DLG2: variants seen among roughly 807,000 people sequenced by gnomAD.
DLG2 encodes the protein disks large homolog 2.
In DLG2, 45 loss-of-function variants were observed where a neutral mutation model predicts 132.5. The ratio of observed to expected loss-of-function variants is 0.34; its 90% CI spans 0.27 to 0.44. The LOEUF (loss-of-function observed/expected upper bound fraction) is 0.44. Among genes scored for constraint, DLG2 ranks in the 20% least tolerant of loss-of-function variants. The probability of loss-of-function intolerance (pLI) is 1.00; values close to 1 mark genes in which losing one functional copy is unlikely to be tolerated. For synonymous variants in DLG2, 424 were observed against 419.6 expected (o/e 1.01, Z -0.13); for missense variants, 1,045 against 1,196.9 (o/e 0.87, Z 1.87).
intron 7 of DLG2, chr11:84,317,086 G>T (rs1268757475): frequency 6.2e-7 from 1 of 1,612,826 alleles, no homozygotes; most frequent in Non-Finnish European, 8.5e-7. Flanking sequence ...CACTCCTGAC[G>T]GCATCCATCC....
intron 19 of DLG2, among the ~76,000 whole-genome samples, chr11:83,619,236 G>A (rs905093769): frequency 3.9e-5 from 6 of 152,168 alleles, no homozygotes; most frequent in Admixed American, 3.9e-4. Context: ...TCTACTCACT[G>A]ACCATCTTTA....
chr11:84,582,013 G>A (rs1366387716), intron 6 of DLG2, among the ~76,000 whole-genome samples: 1 of 151,240 alleles, frequency 6.6e-6, no homozygotes, highest in Admixed American at 6.6e-5. Context: ...AGAAATTAGA[G>A]CTCTCAGTTA....
chr11:85,623,558 C>A (rs1269697833), intron 2 of DLG2, among the ~76,000 whole-genome samples: 1 of 152,164 alleles, frequency 6.6e-6, no homozygotes, highest in East Asian at 1.9e-4. Context: ...CCGCCTCGGC[C>A]TCCCAAAGTG....
At chr11:85,270,333 C>T (rs572778129) in intron 4 of DLG2, among the ~76,000 whole-genome samples, 1 of 152,272 alleles carries the variant, frequency 6.6e-6, no homozygotes, top group South Asian at 2.1e-4. Flanking sequence ...GTGAGACATG[C>T]CTTCTACTTT....
chr11:84,507,482 C>A (rs1039765304), intron 7 of DLG2, among the ~76,000 whole-genome samples: 3 of 152,112 alleles, frequency 2.0e-5, no homozygotes, highest in Admixed American at 1.3e-4. Context: ...TAAAATTGAG[C>A]CCTTACTTTT....
chr11:83,462,475 C>G (rs1457474876), intron 26 of DLG2, among the ~76,000 whole-genome samples: 1 of 152,196 alleles, frequency 6.6e-6, no homozygotes, highest in East Asian at 1.9e-4. Flanking sequence ...ATTGCTTCAT[C>G]TATCCCCTCA....
chr11:85,620,481 A>G lies in DLG2; in HGVS notation c.-93+6106T>C, dbSNP rs188400176. Among the ~76,000 whole-genome samples the G allele has an allele frequency of 1.1e-3, 166 of 152,386 alleles. 3 individuals are homozygous for G. Among genetic ancestry groups the G allele is most frequent in the South Asian group, 7.9e-3 (38 of 4,832 alleles). ...TGAGGAAGTTATGTTGAAAGCTGAG[A>G]TAAGCCAAAAGCTAGGCAGCCCTCT... On this transcript the variant is annotated intron_variant, in intron 2 of 27. Transcript: ENST00000376104.
At chr11:84,186,150 C>T (rs1012141793) in intron 8 of DLG2, among the ~76,000 whole-genome samples, 22 of 152,084 alleles carry the variant, frequency 1.4e-4, no homozygotes, top group Admixed American at 1.2e-3. Context: ...CTGTGGGTCA[C>T]TTTGTGTTTA....
intron 3 of DLG2, among the ~76,000 whole-genome samples, chr11:85,434,799 G>A (rs577921377): frequency 1.3e-5 from 2 of 152,228 alleles, no homozygotes; most frequent in East Asian, 3.9e-4. Flanking sequence ...TGAAAATGAA[G>A]GACTTCTCCC....
At chr11:83,625,544 T>A (rs940508999) in intron 19 of DLG2, among the ~76,000 whole-genome samples, 8 of 152,106 alleles carry the variant, frequency 5.3e-5, no homozygotes, top group Non-Finnish European at 1.2e-4. Flanking sequence ...GAACAAAAGC[T>A]CAAAGGCGAA....
intron 9 of DLG2, among the ~76,000 whole-genome samples, chr11:84,134,698 G>GTGTA (rs2094538297): frequency 6.6e-6 from 1 of 151,226 alleles, no homozygotes; most frequent in Non-Finnish European, 1.5e-5. Context: ...TTATCTGTGT[G>GTGTA]TGTGTGTGTG....
intron 18 of DLG2, among the ~76,000 whole-genome samples, chr11:83,703,460 A>T (rs7940064): frequency 0.012 from 1,774 of 151,938 alleles, 31 homozygotes; most frequent in African/African-American, 0.04. Context: ...GACCAGCCTG[A>T]CCAACATGGA....
At chr11:85,510,784 C>G (rs2094045805) in intron 3 of DLG2, among the ~76,000 whole-genome samples, 2 of 152,108 alleles carry the variant, frequency 1.3e-5, no homozygotes, top group Admixed American at 1.3e-4. Context: ...GGACTGTAAA[C>G]TAGTTCAACC....
chr11:85,623,157 C>A (rs1370773454), intron 2 of DLG2, among the ~76,000 whole-genome samples: 1 of 151,874 alleles, frequency 6.6e-6, no homozygotes, highest in Non-Finnish European at 1.5e-5. Flanking sequence ...TAGGACTTAG[C>A]TTTCAGTACA....
chr11:84,307,553 G>A (rs1435913561), intron 7 of DLG2, among the ~76,000 whole-genome samples: 1 of 151,996 alleles, frequency 6.6e-6, no homozygotes. Context: ...AAAATTAGCC[G>A]GGCGCAGTGA....
intron 21 of DLG2, among the ~76,000 whole-genome samples, chr11:83,511,087 G>GACACACACACAC (rs60156321): frequency 0.011 from 1,484 of 138,546 alleles, 19 homozygotes; most frequent in Non-Finnish European, 0.013. Context: ...CACACACACA[G>GACACACACACAC]ACACACACAC....
chr11:84,278,047 G>GTTTTTT (rs55650627), intron 7 of DLG2, among the ~76,000 whole-genome samples: 29 of 99,596 alleles, frequency 2.9e-4, no homozygotes, highest in African/African-American at 6.5e-4. Context: ...GCCTGGCTAA[G>GTTTTTT]TTTTTTTTTT....
At chr11:84,074,670 A>G (rs1261107935) in intron 10 of DLG2, among the ~76,000 whole-genome samples, 1 of 151,676 alleles carries the variant, frequency 6.6e-6, no homozygotes, top group Non-Finnish European at 1.5e-5. Flanking sequence ...CTGGGACTAT[A>G]GGCGCCGGCC....
chr11:85,042,515 G>C (rs1430208830), intron 6 of DLG2, among the ~76,000 whole-genome samples: 1 of 152,072 alleles, frequency 6.6e-6, no homozygotes, highest in South Asian at 2.1e-4. Context: ...GCTAGTAAAT[G>C]GAAGAAAAGG....
Sources: allele counts gnomAD v4.1 joint callset (sites outside exome capture counted in the v4.1 genomes callset), GRCh38; gene constraint gnomAD v4.1.1; transcripts MANE v1.5; gene names NCBI Gene and HGNC (gene_info 2026-07-23, HGNC 2026-07-21).